The following NOTCH1 variants were observed in gnomAD, a reference collection of about 807,000 sequenced individuals.
NOTCH1 encodes neurogenic locus notch homolog protein 1.
In NOTCH1, 37 loss-of-function variants were observed where a neutral mutation model predicts 254.8. The observed-to-expected ratio is 0.15, with a 90% CI of 0.11 to 0.19. NOTCH1 has a LOEUF of 0.19. NOTCH1 is among the 10% of genes least tolerant of loss of function. The pLI, the probability that NOTCH1 is intolerant of heterozygous loss-of-function variation, is 1.00. For missense variants in NOTCH1, 2,972 were observed against 3,708.6 expected, an observed-to-expected ratio of 0.80 and a Z score of 5.16; for synonymous variants, 1,731 against 1,618.1, an observed-to-expected ratio of 1.07 and a Z score of -1.68.
chr9:136,511,510 C>A (rs900945831), intron 15 of NOTCH1, among the ~76,000 whole-genome samples: 5 of 152,226 alleles, frequency 3.3e-5, no homozygotes, highest in African/African-American at 4.8e-5. Context: ...TCAGAAGCCA[C>A]CCCTCATTCC....
rs1842887764 is a variant in NOTCH1 at position 136,494,475 on chromosome 9, G to C, written c.*1596C>G. The stretch of plus-strand genomic sequence containing the variant: ...TCAGTATCATTTTTATTGCAAATCA[G>C]TTAACAAAAAAGATGAAAAAAATAC... On this transcript the variant is annotated 3_prime_UTR_variant, in exon 34 of 34. Coordinates refer to ENST00000651671, the MANE Select transcript of NOTCH1 (RefSeq NM_017617.5). 1 of 398,862 alleles carries C rather than the reference G, an allele frequency of 2.5e-6. No individual in the cohort carries two copies. The highest frequency in any genetic ancestry group is 4.4e-6 in the Non-Finnish European group (1 of 226,076). The allele number at this position is 398,862 out of a possible 1,614,324, so 24.7% of individuals were successfully genotyped here.
chr9:136,508,862 G>A lies in NOTCH1; in HGVS notation c.3171+8C>T, dbSNP rs985717588. On this transcript the variant is annotated splice_region_variant and intron_variant, in intron 19 of 33. Coordinates refer to ENST00000651671, the MANE Select transcript of NOTCH1 (RefSeq NM_017617.5). ...TCCTTCGGGCACCTCTGTGGCCGGC[G>A]CACTCACCTGGCAGTTGGGGCCAGT... 1.3e-5 allele frequency: 20 copies of A among 1,540,456 alleles called. No individual in the cohort carries two copies. Among genetic ancestry groups the A allele is most frequent in the East Asian group, 2.5e-5 (1 of 40,726 alleles).
chr9:136,517,681 G>A (rs1237145762), intron 8 of NOTCH1, 71 bp downstream of exon 8: 41 of 1,575,392 alleles, frequency 2.6e-5, no homozygotes, highest in Non-Finnish European at 3.4e-5. Flanking sequence ...ACCCACAGAT[G>A]TTCCCGGGGC....
At chr9:136,500,976 G>T in intron 30 of NOTCH1, 129 bp from the exon 31 acceptor site, 1 of 1,065,034 alleles carries the variant, frequency 9.4e-7, no homozygotes, top group Non-Finnish European at 1.3e-6. Context: ...TGGTGGCCCC[G>T]TGCACACAGC....
At chr9:136,497,583 T>G (rs2133319556) in intron 33 of NOTCH1, 25 bp from the exon 34 acceptor site, 1 of 1,541,694 alleles carries the variant, frequency 6.5e-7, no homozygotes, top group Non-Finnish European at 8.7e-7. Flanking sequence ...CGGGGGCCGG[T>G]GAGGGGGGCC....
rs1843170261 is a variant in NOTCH1, at chr9:136,510,847, G to A, written c.2588-42C>T. On this transcript the variant is annotated intron_variant, in intron 16 of 33. Transcript: ENST00000651671. ...GGCCGGTTGGTCACCAGCGGCCCCT[G>A]GCCCTCCAGGCCCTTCCCAGGCTGG... 1.9e-6 allele frequency: 3 copies of A among 1,601,262 alleles called. No homozygotes were observed. In the South Asian group the frequency reaches 3.3e-5, roughly 18 times the overall value.
chr9:136,515,421 G>T lies in NOTCH1; in HGVS notation c.1904-21C>A, dbSNP rs376328597. On this transcript the variant is annotated intron_variant, in intron 11 of 33. Coordinates refer to ENST00000651671, the MANE Select transcript of NOTCH1 (RefSeq NM_017617.5). Reference sequence around the variant, plus strand: ...GGGTCCTGAAGGGGTGGCACGTGTCGGTCAGTCCTCAGGCCCGCCCTGCCC... The same window carrying T: ...GGGTCCTGAAGGGGTGGCACGTGTCTGTCAGTCCTCAGGCCCGCCCTGCCC... The T allele has an allele frequency of 3.1e-6, 5 of 1,612,514 alleles. No individual in the cohort carries two copies. The South Asian group carries it at 5.5e-5, about 18-fold the overall frequency.
In NOTCH1 at chr9:136,508,954, G is replaced by T. The variant is rs1278575888; in HGVS notation, c.3087C>A (p.Pro1029=). 6.4e-7 allele frequency: 1 copy of T among 1,551,814 alleles called. No homozygotes were observed. ...QHDVNECDSQ[P]CLHGGTCQDG... ...CCTGACAGGTGCCGCCATGCAGGCA[G>T]GGCTGTGAGTCGCACTCATTGACAT... Residue 1029 remains proline (P), a synonymous_variant, in exon 19 of 34, where the codon CCC becomes CCA. Coordinates refer to ENST00000651671, the MANE Select transcript of NOTCH1 (RefSeq NM_017617.5).
Position 136,501,655 on chromosome 9 carries a change from C to A in NOTCH1, c.5638+93G>T, listed in dbSNP as rs945201610. 6 of 1,482,086 alleles carry A rather than the reference C, an allele frequency of 4.0e-6. No individual in the cohort carries two copies. The African/African-American group carries it at 8.3e-5, about 20-fold the overall frequency. 91.8% of individuals were successfully genotyped at this position (1,482,086 alleles called of 1,614,324 possible). On this transcript the variant is annotated intron_variant, in intron 30 of 33. Transcript: ENST00000651671. ...AGCTCTCACCCCCAATTCTAAGTTTCCAGAGTATCAACTGTACCCCAGCCT... is the reference window on the plus strand; with the variant it reads ...AGCTCTCACCCCCAATTCTAAGTTTACAGAGTATCAACTGTACCCCAGCCT...
At chr9:136,524,077 C>T (rs1843420979) in intron 2 of NOTCH1, 98 bp from the exon 3 acceptor site, 1 of 1,473,472 alleles carries the variant, frequency 6.8e-7, no homozygotes, top group Non-Finnish European at 9.1e-7. Context: ...GCCGCCTCCC[C>T]CCACACCCCG....
intron 2 of NOTCH1, among the ~76,000 whole-genome samples, chr9:136,532,091 G>A (rs964574337): frequency 2.0e-5 from 3 of 152,224 alleles, no homozygotes; most frequent in Non-Finnish European, 4.4e-5. Context: ...CCACACTTGG[G>A]AAGTGGGATC....
rs1267241464 is a variant in NOTCH1 at position 136,505,843 on chromosome 9, G to A, written c.4053C>T (p.Thr1351=). ...EGATCENDAR[T]CGSLRCLNGG... ...CGTTGAGGCAGCGCAGGCTGCCGCA[G>A]GTACGAGCGTCATTCTCACACGTGG... Residue 1351 remains threonine, a synonymous_variant, in exon 25 of 34, where the codon ACC becomes ACT. Transcript: ENST00000651671. 1 of 1,594,732 alleles carries A rather than the reference G, an allele frequency of 6.3e-7. No homozygotes were observed. The highest frequency in any genetic ancestry group is 8.5e-7 in the Non-Finnish European group (1 of 1,177,310).
rs753290862 is a variant in NOTCH1 at position 136,506,575 on chromosome 9, G to A, written c.3966C>T (p.Cys1322=). 3.6e-5 allele frequency: 58 copies of A among 1,610,478 alleles called. No homozygotes were observed. Among genetic ancestry groups the A allele is most frequent in the African/African-American group, 1.2e-4 (9 of 74,860 alleles). The part of the protein sequence containing the change: ...KGKPCKNGGT[C]AVASNTARGF... ...CGCGGGCGGTGTTGGAGGCCACGGC[G>A]CAGGTGCCCCCATTCTTGCAGGGCT... The change falls in exon 24 of 34, where the codon TGC becomes TGT. Residue 1322 remains cysteine, a synonymous_variant. Transcript: ENST00000651671. This position sits in a 1 kb window ranked among gnomAD's most constrained non-coding sequence, Gnocchi z 4.5.
chr9:136,541,450 G>A lies in NOTCH1; in HGVS notation c.140+2574C>T, dbSNP rs148172949. On this transcript the variant is annotated intron_variant, in intron 2 of 33. Transcript: ENST00000651671. ...GGCACCAAAAGCCAAAGCTCTTTCC[G>A]GGGTCACAGCTGGATACCACGGGGC... Among the ~76,000 whole-genome samples, 1,210 of 152,260 alleles carry A rather than the reference G, an allele frequency of 7.9e-3. 50 individuals carry two copies. Among genetic ancestry groups the A allele is most frequent in the East Asian group, 0.015 (78 of 5,186 alleles).
chr9:136,515,265 A>G (rs1439153326), intron 12 of NOTCH1, 25 bp downstream of exon 12: 2 of 1,603,236 alleles, frequency 1.2e-6, no homozygotes, highest in African/African-American at 1.3e-5. Context: ...CAGTGCAGTC[A>G]GCCCCCACGT....
chr9:136,506,127 G>T lies in NOTCH1; in HGVS notation c.4015-246C>A, dbSNP rs1254573684. On this transcript the variant is annotated intron_variant, in intron 24 of 33. Coordinates refer to ENST00000651671, the MANE Select transcript of NOTCH1 (RefSeq NM_017617.5). This position sits in a 1 kb window ranked among gnomAD's most constrained non-coding sequence, Gnocchi z 4.5. ...GGAGTGCTGAGGACTTTAGGGCAGG[G>T]ACTCTCTGCCGTGATCCTGCGAGGG... Among the ~76,000 whole-genome samples, 1 of 152,144 alleles carries T rather than the reference G, an allele frequency of 6.6e-6. No individual in the cohort carries two copies. Among genetic ancestry groups the T allele is most frequent in the East Asian group, 1.9e-4 (1 of 5,192 alleles).
intron 5 of NOTCH1, 106 bp from the exon 6 acceptor site, chr9:136,518,930 G>GA: frequency 4.3e-6 from 4 of 928,668 alleles, no homozygotes; most frequent in Non-Finnish European, 6.9e-6. Context: ...AGCCTTCCTG[G>GA]GCTGACTCCT....
chr9:136,526,190 C>T (rs1212906740), intron 2 of NOTCH1, among the ~76,000 whole-genome samples: 2 of 152,230 alleles, frequency 1.3e-5, no homozygotes, highest in Non-Finnish European at 2.9e-5. Flanking sequence ...ACAGGCTGGC[C>T]GGTCCCCGAG....
intron 4 of NOTCH1, 159 bp from the exon 5 acceptor site, chr9:136,519,724 A>G: frequency 1.0e-6 from 1 of 952,810 alleles, no homozygotes; most frequent in South Asian, 1.3e-5. Context: ...TCCAGTGCCC[A>G]GAGGGACACG....
Sources: gnomAD v4.1 joint callset for allele counts (sites outside exome capture counted in the v4.1 genomes callset) on GRCh38, gnomAD v4.1.1 for gene constraint, Gnocchi (gnomAD v3.1) non-coding constraint, MANE v1.5 for transcripts, NCBI Gene and HGNC (gene_info 2026-07-23, HGNC 2026-07-21) for gene names.